Variants in PIK3C2B observed in about 807,000 individuals in gnomAD.
The protein encoded by PIK3C2B is phosphatidylinositol 4-phosphate 3-kinase C2 domain-containing subunit beta.
A neutral mutation model predicts 184.3 loss-of-function variants in PIK3C2B; 83 were observed. The observed-to-expected ratio is 0.45, with a 90% CI of 0.38 to 0.54. The LOEUF (loss-of-function observed/expected upper bound fraction) is 0.54, where lower values mean the gene tolerates loss of function less well. PIK3C2B is among the 20% of genes least tolerant of loss of function. The pLI, the probability that PIK3C2B is intolerant of heterozygous loss-of-function variation, is 0.00. For missense variants in PIK3C2B, 1,736 were observed against 2,113.5 expected (o/e 0.82, Z 3.50); for synonymous variants, 779 against 837.6 (o/e 0.93, Z 1.21).
chr1:204,434,090 C>T (rs1675216371), intron 24 of PIK3C2B, 141 bp from the exon 25 acceptor site: 2 of 670,930 alleles, frequency 3.0e-6, no homozygotes, highest in Non-Finnish European at 5.2e-6. Flanking sequence ...TTTCTTTGTT[C>T]CTTTCCTACC....
intron 1 of PIK3C2B, among the ~76,000 whole-genome samples, chr1:204,490,798 A>G (rs1439296409): frequency 6.6e-6 from 1 of 151,992 alleles, no homozygotes; most frequent in African/African-American, 2.4e-5. Flanking sequence ...ATAGTCCCTC[A>G]AGTTTCATTT....
rs564761394 is a variant in PIK3C2B, at chr1:204,457,246, AGAGTGAGCTGACG to A, written c.1714-189_1714-177del. On this transcript the variant is annotated intron_variant, in intron 9 of 32. Coordinates refer to ENST00000684373, the MANE Select transcript of PIK3C2B (RefSeq NM_001377334.1). ...TTTGTACCAGATCTGTATGATGGAC[AGAGTGAGCTGACG>A]GAGGATAGCAATCATCGGGTCCACC... Among the ~76,000 whole-genome samples, 37 of 152,366 alleles carry A rather than the reference AGAGTGAGCTGACG, an allele frequency of 2.4e-4. 1 individual carries two copies. In the South Asian group the frequency reaches 5.0e-3, roughly 20 times the overall value.
intron 28 of PIK3C2B, 52 bp downstream of exon 28, chr1:204,431,617 C>G: frequency 6.2e-7 from 1 of 1,610,266 alleles, no homozygotes; most frequent in Non-Finnish European, 8.5e-7. Context: ...CATCCCGTAT[C>G]CTTTCCCCCT....
Position 204,469,064 on chromosome 1 carries a change from C to G in PIK3C2B, c.739G>C (p.Glu247Gln). 1 of 1,614,224 alleles carries G rather than the reference C, an allele frequency of 6.2e-7. No homozygotes were observed. The highest frequency in any genetic ancestry group is 8.5e-7 in the Non-Finnish European group (1 of 1,180,044). The change falls in exon 2 of 33, where the codon GAG becomes CAG. Residue 247 changes from glutamate (E) to glutamine (Q), a missense_variant. Physicochemically the swap from Glu to Gln is conservative, Grantham distance 29 (BLOSUM62 2). Coordinates refer to ENST00000684373, the MANE Select transcript of PIK3C2B (RefSeq NM_001377334.1). ...RLNLKSTYDA[E>Q]MLRDATRGWK... is the part of the protein sequence containing the mutation. ...CCCCTGGTGGCATCCCGCAACATCTCCGCATCATAGGTCGATTTCAAGTTG... is the reference window on the plus strand; with the variant it reads ...CCCCTGGTGGCATCCCGCAACATCTGCGCATCATAGGTCGATTTCAAGTTG...
At chr1:204,431,850 G>C in intron 27 of PIK3C2B, 57 bp from the exon 28 acceptor site, 3 of 1,608,140 alleles carry the variant, frequency 1.9e-6, no homozygotes, top group Admixed American at 1.7e-5. Flanking sequence ...CCAGTGAAGG[G>C]TGTAGGAAAG....
At chr1:204,462,465 G>A (rs916694430) in intron 5 of PIK3C2B, among the ~76,000 whole-genome samples, 4 of 152,184 alleles carry the variant, frequency 2.6e-5, no homozygotes, top group Admixed American at 1.3e-4. Flanking sequence ...TGGCAAGTCC[G>A]AATTCAAACC....
chr1:204,446,733 G>C (rs992549911), intron 15 of PIK3C2B, among the ~76,000 whole-genome samples: 6 of 152,270 alleles, frequency 3.9e-5, no homozygotes, highest in South Asian at 2.1e-4. Flanking sequence ...TCGGCAGAGT[G>C]GGGGAAGGGA....
Position 204,440,060 on chromosome 1 carries a change from C to T in PIK3C2B, c.3379+132G>A. The T allele has an allele frequency of 4.3e-6, 4 of 939,894 alleles. No homozygotes were observed. The East Asian group carries it at 1.2e-4, about 28-fold the overall frequency. 58.2% of individuals were successfully genotyped at this position (939,894 alleles called of 1,614,324 possible). A position where few individuals can be genotyped will look rare whatever the true frequency, so the allele number is the denominator to read the frequency against. On this transcript the variant is annotated intron_variant, in intron 22 of 32. Transcript: ENST00000684373. Reference sequence around the variant, plus strand: ...CCCATGCCTCCCTTTTAAGGCTATCCCACAGCTTCTCATGAAATAATCTTG... The same window carrying T: ...CCCATGCCTCCCTTTTAAGGCTATCTCACAGCTTCTCATGAAATAATCTTG...
rs533356615 is a variant in PIK3C2B at position 204,444,840 on chromosome 1, G to T, written c.2679-416C>A. 2.3e-4 allele frequency among the ~76,000 whole-genome samples: 35 copies of T among 152,298 alleles called. No individual in the cohort carries two copies. In the East Asian group the frequency reaches 6.2e-3, roughly 27 times the overall value. On this transcript the variant is annotated intron_variant, in intron 16 of 32. Transcript: ENST00000684373. ...TGCAAAATGTACCACGCAAATAACAGAAAATCACAGTATTTTATATAAGCC... is the reference window on the plus strand; with the variant it reads ...TGCAAAATGTACCACGCAAATAACATAAAATCACAGTATTTTATATAAGCC...
At chr1:204,472,038 G>A (rs1656326957) in intron 1 of PIK3C2B, among the ~76,000 whole-genome samples, 1 of 152,204 alleles carries the variant, frequency 6.6e-6, no homozygotes, top group East Asian at 1.9e-4. Context: ...TTCAGCGGTG[G>A]TATCCTTTTC....
rs1380551266 is a variant in PIK3C2B at position 204,424,266 on chromosome 1, T to C, written c.*586A>G. On this transcript the variant is annotated 3_prime_UTR_variant, in exon 33 of 33. Coordinates refer to ENST00000684373, the MANE Select transcript of PIK3C2B (RefSeq NM_001377334.1). ...CCCAACCTGTCCTTAGAGAGGGCTCTGGCCGAGGACCCACTGGGCCCCTCC... is the reference window on the plus strand; with the variant it reads ...CCCAACCTGTCCTTAGAGAGGGCTCCGGCCGAGGACCCACTGGGCCCCTCC... 5.3e-6 allele frequency: 1 copy of C among 186,944 alleles called. No individual in the cohort carries two copies. The highest frequency in any genetic ancestry group is 2.4e-5 in the African/African-American group (1 of 41,678). The allele number at this position is 186,944 out of a possible 1,614,324, so 11.6% of individuals were successfully genotyped here. A position where few individuals can be genotyped will look rare whatever the true frequency, so the allele number is the denominator to read the frequency against.
Position 204,428,164 on chromosome 1 carries a change from G to A in PIK3C2B, c.4455C>T (p.Gly1485=), listed in dbSNP as rs1224554112. ...CTGAGGACTTAGGAGCTGGGCTGGT[G>A]CCCATAGCCTTCTCATCCCGGGGCA... ...HPLPRDEKAM[G]TSPAPKSSDG... The change falls in exon 30 of 33, where the codon GGC becomes GGT. Residue 1485 remains glycine, a synonymous_variant. Coordinates refer to ENST00000684373, the MANE Select transcript of PIK3C2B (RefSeq NM_001377334.1). 3 of 1,611,228 alleles carry A rather than the reference G, an allele frequency of 1.9e-6. No homozygotes were observed. Among genetic ancestry groups the A allele is most frequent in the Non-Finnish European group, 2.5e-6 (3 of 1,177,604 alleles).
chr1:204,453,869 G>T (rs964385561), intron 12 of PIK3C2B, among the ~76,000 whole-genome samples: 3 of 151,918 alleles, frequency 2.0e-5, no homozygotes, highest in Non-Finnish European at 4.4e-5. Flanking sequence ...CACCTCCCGG[G>T]TTCAAGCGAT....
rs778138429 is a variant in PIK3C2B at position 204,433,814 on chromosome 1, G to A, written c.3822C>T (p.Leu1274=). Residue 1274 remains leucine (L), a synonymous_variant, in exon 25 of 33, where the codon CTC becomes CTT. Transcript: ENST00000684373. This position sits in a 1 kb window ranked among gnomAD's most constrained non-coding sequence, Gnocchi z 5.0. ...AYNLIRKHTH[L]FLNLLGLMLS... ...TCACCAGGCCCAGAAGGTTGAGGAA[G>A]AGGTGGGTGTGCTTGCGAATGAGGT... is the stretch of plus-strand genomic sequence containing the variant. The A allele has an allele frequency of 1.2e-6, 2 of 1,614,216 alleles. No individual in the cohort carries two copies. The highest frequency in any genetic ancestry group is 3.3e-5 in the Admixed American group (2 of 60,028).
Position 204,469,074 on chromosome 1 carries a change from G to A in PIK3C2B, c.729C>T (p.Thr243=), listed in dbSNP as rs1289616781. The change falls in exon 2 of 33, where the codon ACC becomes ACT. Residue 243 remains threonine, a synonymous_variant. Transcript: ENST00000684373. ...DAITRLNLKS[T]YDAEMLRDAT... ...CATCCCGCAACATCTCCGCATCATA[G>A]GTCGATTTCAAGTTGAGCCTAGTAA... The A allele has an allele frequency of 6.2e-7, 1 of 1,614,204 alleles. No individual in the cohort carries two copies. Among genetic ancestry groups the A allele is most frequent in the South Asian group, 1.1e-5 (1 of 91,084 alleles).
intron 1 of PIK3C2B, among the ~76,000 whole-genome samples, chr1:204,481,639 CA>C (rs1379382294): frequency 3.9e-5 from 6 of 152,140 alleles, no homozygotes; most frequent in Non-Finnish European, 7.4e-5. Flanking sequence ...CTCTCAGCAC[CA>C]GGGGGCAGCT....
chr1:204,465,254 A>C lies in PIK3C2B; in HGVS notation c.999T>G (p.Asp333Glu). The C allele has an allele frequency of 1.9e-6, 3 of 1,610,768 alleles. No individual in the cohort carries two copies. The highest frequency in any genetic ancestry group is 2.2e-5 in the South Asian group (2 of 91,004). ...HELFEVSEER[D>E]EEVAAFCHML... ...TGTGGCAAAATGCAGCAACCTCCTC[A>C]TCTCTCTCTTCTGAGACCTCAAACA... Residue 333 changes from aspartate (D) to glutamate (E), a missense_variant, in exon 3 of 33, where the codon GAT becomes GAG. By Grantham distance (45) the Asp-to-Glu change is conservative (BLOSUM62 2). This residue lies in a region of PIK3C2B where 3 missense variants were observed against 16.1 expected (regional missense o/e 0.19). Coordinates refer to ENST00000684373, the MANE Select transcript of PIK3C2B (RefSeq NM_001377334.1).
chr1:204,481,481 T>G (rs1350246037), intron 1 of PIK3C2B, among the ~76,000 whole-genome samples: 1 of 151,900 alleles, frequency 6.6e-6, no homozygotes, highest in Non-Finnish European at 1.5e-5. Flanking sequence ...ATGGTCTCGA[T>G]CTCCTGACCT....
rs139521597 is a variant in PIK3C2B at position 204,476,789 on chromosome 1, C to T, written c.-84-6903G>A. Reference sequence around the variant, plus strand: ...TTGTATTCTATGTGAATGATACCCCCGACCACAAAAATGAAAACCATGTGA... The same window carrying T: ...TTGTATTCTATGTGAATGATACCCCTGACCACAAAAATGAAAACCATGTGA... On this transcript the variant is annotated intron_variant, in intron 1 of 32. Coordinates refer to ENST00000684373, the MANE Select transcript of PIK3C2B (RefSeq NM_001377334.1). Among the ~76,000 whole-genome samples the T allele has an allele frequency of 3.7e-3, 567 of 152,316 alleles. 5 individuals are homozygous for T. Among genetic ancestry groups the T allele is most frequent in the African/African-American group, 0.013 (529 of 41,570 alleles).
Sources: gnomAD v4.1 joint callset for allele counts (sites outside exome capture counted in the v4.1 genomes callset) on GRCh38, gnomAD v4.1.1 for gene constraint, gnomAD v4.1.1 regional missense constraint, Gnocchi (gnomAD v3.1) non-coding constraint, MANE v1.5 for transcripts, NCBI Gene and HGNC (gene_info 2026-07-23, HGNC 2026-07-21) for gene names.